The following CACNA1E variants were observed in gnomAD, a reference collection of about 807,000 sequenced individuals.
The protein encoded by CACNA1E is calcium voltage-gated channel subunit alpha1 E.
Under a neutral mutation model 259.2 loss-of-function variants are expected in CACNA1E, and 40 were observed. The observed-to-expected ratio is 0.15, with a 90% CI of 0.12 to 0.20. The LOEUF is 0.20. Ranked by LOEUF, CACNA1E falls within the 10% of genes least tolerant of loss-of-function variation. The pLI, the probability that CACNA1E is intolerant of heterozygous loss-of-function variation, is 1.00. For synonymous variants in CACNA1E, 1,104 were observed against 1,138.5 expected (o/e 0.97, Z 0.61); for missense variants, 1,874 against 3,040.1 (o/e 0.62, Z 9.02).
intron 40 of CACNA1E, among the ~76,000 whole-genome samples, chr1:181,784,381 G>A (rs1371724120): frequency 1.3e-5 from 2 of 152,206 alleles, no homozygotes. Context: ...GATGTATTGA[G>A]CACCTGGGAG....
At chr1:181,492,755 C>A (rs937161478) in intron 1 of CACNA1E, among the ~76,000 whole-genome samples, 11 of 152,194 alleles carry the variant, frequency 7.2e-5, no homozygotes, top group Non-Finnish European at 1.5e-4. Flanking sequence ...CTTCCCCAAC[C>A]TGACTCTGAG....
chr1:181,542,736 C>A (rs769714469), intron 3 of CACNA1E, among the ~76,000 whole-genome samples: 1 of 151,730 alleles, frequency 6.6e-6, no homozygotes, highest in African/African-American at 2.4e-5. Context: ...CAGTCCCGAG[C>A]AGTTCTTTAT....
chr1:181,343,501 G>T (rs545116475), intron 1 of CACNA1E, among the ~76,000 whole-genome samples: 2 of 152,014 alleles, frequency 1.3e-5, no homozygotes, highest in South Asian at 2.1e-4. Flanking sequence ...CCCTTCTACC[G>T]TGACTGTAAG....
At chr1:181,461,540 C>T (rs1176556927) in intron 2 of CACNA1E, among the ~76,000 whole-genome samples, 1 of 82,044 alleles carries the variant, frequency 1.2e-5, no homozygotes, top group Admixed American at 1.4e-4. Flanking sequence ...GACTCCATCT[C>T]AAAAAAAAAA....
intron 6 of CACNA1E, among the ~76,000 whole-genome samples, chr1:181,625,263 C>T (rs567696304): frequency 6.6e-6 from 1 of 152,172 alleles, no homozygotes; most frequent in East Asian, 1.9e-4. Context: ...GTTGCATTAA[C>T]CTCCTAACAA....
chr1:181,761,667 G>A (rs1658595980), intron 32 of CACNA1E, among the ~76,000 whole-genome samples: 1 of 152,144 alleles, frequency 6.6e-6, no homozygotes. Flanking sequence ...TCTGTTTTCT[G>A]TGTTACAGAC....
At chr1:181,559,735 G>C (rs148440886) in intron 3 of CACNA1E, among the ~76,000 whole-genome samples, 3 of 152,310 alleles carry the variant, frequency 2.0e-5, no homozygotes, top group African/African-American at 7.2e-5. Context: ...AGGCTGGGTA[G>C]GTAGAGGGTA....
chr1:181,689,416 A>G (rs1034251872), intron 7 of CACNA1E, among the ~76,000 whole-genome samples: 1 of 152,156 alleles, frequency 6.6e-6, no homozygotes, highest in Non-Finnish European at 1.5e-5. Context: ...AGTCTTTGCT[A>G]TTGTGAATAG....
intron 7 of CACNA1E, among the ~76,000 whole-genome samples, chr1:181,704,205 A>T (rs777086209): frequency 6.6e-6 from 1 of 152,162 alleles, no homozygotes; most frequent in African/African-American, 2.4e-5. Context: ...GCTGAACTCT[A>T]TGACCTTCAG....
chr1:181,444,529 G>A (rs1660692004), intron 2 of CACNA1E, among the ~76,000 whole-genome samples: 1 of 152,072 alleles, frequency 6.6e-6, no homozygotes, highest in Admixed American at 6.5e-5. Flanking sequence ...AGGACTCCCA[G>A]GTACTTGACT....
intron 1 of CACNA1E, among the ~76,000 whole-genome samples, chr1:181,501,211 C>T (rs1022495968): frequency 7.9e-5 from 12 of 152,286 alleles, no homozygotes; most frequent in Middle Eastern, 3.4e-3. Flanking sequence ...TCCAGTCACA[C>T]GCAAAACAAA....
At chr1:181,510,828 C>T (rs1572060660) in intron 2 of CACNA1E, among the ~76,000 whole-genome samples, 1 of 152,174 alleles carries the variant, frequency 6.6e-6, no homozygotes, top group African/African-American at 2.4e-5. Flanking sequence ...CATTTTCTTC[C>T]CTCCTCTTTC....
intron 2 of CACNA1E, among the ~76,000 whole-genome samples, chr1:181,444,862 T>C (rs1175483577): frequency 6.6e-6 from 1 of 152,032 alleles, no homozygotes; most frequent in Non-Finnish European, 1.5e-5. Context: ...CTGCTTGGAG[T>C]CCCCTGGGGT....
intron 2 of CACNA1E, among the ~76,000 whole-genome samples, chr1:181,426,845 AC>A (rs1659299241): frequency 1.6e-5 from 1 of 64,308 alleles, no homozygotes; most frequent in Non-Finnish European, 3.0e-5. Context: ...AAACCCCTTC[AC>A]ATGTCAACCC....
intron 1 of CACNA1E, among the ~76,000 whole-genome samples, chr1:181,332,720 A>G (rs1205729444): frequency 1.3e-5 from 2 of 152,242 alleles, no homozygotes; most frequent in African/African-American, 4.8e-5. Flanking sequence ...CCAGTACATC[A>G]AACAATTATT....
At chr1:181,557,153 C>T (rs899039792) in intron 3 of CACNA1E, among the ~76,000 whole-genome samples, 3 of 152,168 alleles carry the variant, frequency 2.0e-5, no homozygotes, top group African/African-American at 7.2e-5. Flanking sequence ...CTCCCTGTCA[C>T]CTGGGTGCTG....
rs142410070 is a variant in CACNA1E at position 181,727,283 on chromosome 1, G to A, written c.2240+1121G>A. ...GGAGAAATCAGCTAAGGAGACCAAG[G>A]GAGTGCAGCCGGGAGGCAAGAGAAA... On this transcript the variant is annotated intron_variant, in intron 18 of 47. Transcript: ENST00000367573. 1.3e-5 allele frequency among the ~76,000 whole-genome samples: 2 copies of A among 152,348 alleles called. 1 individual carries two copies. Among genetic ancestry groups the A allele is most frequent in the East Asian group, 3.9e-4 (2 of 5,192 alleles).
intron 3 of CACNA1E, among the ~76,000 whole-genome samples, chr1:181,576,780 T>A (rs752339407): frequency 2.0e-5 from 3 of 152,214 alleles, no homozygotes; most frequent in Non-Finnish European, 2.9e-5. Flanking sequence ...TTATTAATAT[T>A]AGTAAGCTTT....
chr1:181,747,060 C>A (rs1374804992), intron 25 of CACNA1E, among the ~76,000 whole-genome samples: 1 of 152,220 alleles, frequency 6.6e-6, no homozygotes, highest in East Asian at 1.9e-4. Context: ...AAATAATAGT[C>A]CAGACACATT....
Sources: allele counts gnomAD v4.1 joint callset (sites outside exome capture counted in the v4.1 genomes callset), GRCh38; gene constraint gnomAD v4.1.1; transcripts MANE v1.5; gene names NCBI Gene and HGNC (gene_info 2026-07-23, HGNC 2026-07-21).